NKAIN3: variants seen among roughly 807,000 people sequenced by gnomAD.
The protein encoded by NKAIN3 is sodium/potassium transporting ATPase interacting 3.
Under a neutral mutation model 30.2 loss-of-function variants are expected in NKAIN3, and 25 were observed. The ratio of observed to expected loss-of-function variants is 0.83; its 90% confidence interval spans 0.60 to 1.16. The LOEUF (loss-of-function observed/expected upper bound fraction) is 1.16, where lower values mean the gene tolerates loss of function less well. NKAIN3 is among the 50% of genes most tolerant of loss of function. The pLI, the probability that NKAIN3 is intolerant of heterozygous loss-of-function variation, is 0.00. For synonymous variants in NKAIN3, 91 were observed against 89.6 expected (o/e 1.02, Z -0.09); for missense variants, 225 against 254.1 (o/e 0.89, Z 0.78).
chr8:62,543,806 G>C (rs1332873222), intron 1 of NKAIN3, among the ~76,000 whole-genome samples: 4 of 152,080 alleles, frequency 2.6e-5, no homozygotes, highest in Non-Finnish European at 4.4e-5. Flanking sequence ...TTAGATGTTT[G>C]GTAAAATATA....
chr8:62,412,910 AAAAAAAAAAAAC>A (rs1178707081), intron 1 of NKAIN3, among the ~76,000 whole-genome samples: 197 of 4,554 alleles, frequency 0.043, 2 homozygotes, highest in South Asian at 0.31. Context: ...AGACTCCGTC[AAAAAAAAAAAAC>A]AAAAAAAAAA....
chr8:62,958,242 C>T (rs1823477265), intron 6 of NKAIN3, among the ~76,000 whole-genome samples: 1 of 151,810 alleles, frequency 6.6e-6, no homozygotes. Context: ...CGGTGAGGAC[C>T]CTAAGAGACC....
intron 1 of NKAIN3, among the ~76,000 whole-genome samples, chr8:62,280,825 T>A (rs1813152686): frequency 6.6e-6 from 1 of 152,166 alleles, no homozygotes; most frequent in South Asian, 2.1e-4. Flanking sequence ...GGGATATTGG[T>A]CTAAAATTCT....
chr8:62,652,877 C>T (rs1237968168), intron 3 of NKAIN3, among the ~76,000 whole-genome samples: 2 of 152,232 alleles, frequency 1.3e-5, no homozygotes, highest in Non-Finnish European at 2.9e-5. Context: ...AGTGTTAGAG[C>T]AAAGTCAAAA....
intron 4 of NKAIN3, among the ~76,000 whole-genome samples, chr8:62,807,417 AT>A (rs1818331117): frequency 6.6e-6 from 1 of 151,708 alleles, no homozygotes; most frequent in Non-Finnish European, 1.5e-5. Context: ...TATTTACTAT[AT>A]TTTTCACTCA....
chr8:62,419,059 C>T (rs207469269), intron 1 of NKAIN3, among the ~76,000 whole-genome samples: 1 of 152,110 alleles, frequency 6.6e-6, no homozygotes, highest in Non-Finnish European at 1.5e-5. Flanking sequence ...GCCAGTCTTA[C>T]TTCTATCTTT....
intron 1 of NKAIN3, among the ~76,000 whole-genome samples, chr8:62,493,633 ATTGATTC>A (rs1432680421): frequency 1.3e-5 from 2 of 152,086 alleles, no homozygotes; most frequent in Non-Finnish European, 2.9e-5. Flanking sequence ...TTTTAGTGAT[ATTGATTC>A]TTCCTATCCA....
At chr8:62,592,993 CAT>C (rs1810704702) in intron 3 of NKAIN3, among the ~76,000 whole-genome samples, 1 of 151,890 alleles carries the variant, frequency 6.6e-6, no homozygotes, top group Non-Finnish European at 1.5e-5. Context: ...AATCCATTAA[CAT>C]AGGGGGAGAG....
At chr8:62,770,963 C>T (rs909115760) in intron 4 of NKAIN3, among the ~76,000 whole-genome samples, 12 of 151,630 alleles carry the variant, frequency 7.9e-5, no homozygotes, top group African/African-American at 1.5e-4. Flanking sequence ...CAGTTTTCAA[C>T]GACAACAAAA....
At chr8:62,822,020 G>GA (rs1818864484) in intron 4 of NKAIN3, among the ~76,000 whole-genome samples, 3 of 152,002 alleles carry the variant, frequency 2.0e-5, no homozygotes, top group South Asian at 2.1e-4. Flanking sequence ...ATTAGGGCTG[G>GA]AAAAAAATCC....
At chr8:62,786,025 C>A (rs1053342253) in intron 4 of NKAIN3, among the ~76,000 whole-genome samples, 1 of 152,046 alleles carries the variant, frequency 6.6e-6, no homozygotes, top group African/African-American at 2.4e-5. Context: ...TGCTTTCAGG[C>A]AAGTTGGTTC....
intron 2 of NKAIN3, among the ~76,000 whole-genome samples, chr8:62,581,110 TATAAA>T (rs71559376): frequency 0.22 from 24,627 of 114,144 alleles, 2,840 homozygotes; most frequent in South Asian, 0.33. Flanking sequence ...CTCAAAAAAA[TATAAA>T]ATAAAATAAA....
intron 5 of NKAIN3, among the ~76,000 whole-genome samples, chr8:62,933,029 C>CACA (rs3222063): frequency 1.3e-5 from 2 of 151,294 alleles, no homozygotes; most frequent in Non-Finnish European, 2.9e-5. Context: ...CACACACACA[C>CACA]CAGGGAATGA....
intron 1 of NKAIN3, among the ~76,000 whole-genome samples, chr8:62,323,904 A>T (rs1044766545): frequency 1.3e-5 from 2 of 152,188 alleles, no homozygotes; most frequent in Non-Finnish European, 2.9e-5. Flanking sequence ...TGGAAAAGAC[A>T]AATTAGGGGC....
chr8:62,434,636 G>T lies in NKAIN3; in HGVS notation c.55-144903G>T, dbSNP rs534780006. 1.9e-4 allele frequency among the ~76,000 whole-genome samples: 29 copies of T among 152,098 alleles called. 1 individual carries two copies. The South Asian group carries it at 6.0e-3, about 32-fold the overall frequency. On this transcript the variant is annotated intron_variant, in intron 1 of 6. Coordinates refer to ENST00000623646, the MANE Select transcript of NKAIN3 (RefSeq NM_001304533.3). The stretch of plus-strand genomic sequence containing the variant: ...TTAAACAAATTACATCATGATCAAG[G>T]CATTCCTTCTAATAAAGTCTTCAAA...
chr8:62,637,585 C>T (rs1030808439), intron 3 of NKAIN3, among the ~76,000 whole-genome samples: 5 of 152,128 alleles, frequency 3.3e-5, no homozygotes, highest in Non-Finnish European at 5.9e-5. Context: ...TACTATTAGA[C>T]GAGCCTAAAT....
At chr8:62,897,803 G>T (rs780278171) in intron 4 of NKAIN3, among the ~76,000 whole-genome samples, 57 of 152,134 alleles carry the variant, frequency 3.7e-4, no homozygotes, top group Admixed American at 1.5e-3. Context: ...GTTAGAGTCT[G>T]GTTTCCTTGG....
In NKAIN3 at chr8:62,666,019, G is replaced by T. The variant is rs1267558930; in HGVS notation, c.273+76225G>T. On this transcript the variant is annotated intron_variant, in intron 3 of 6. Coordinates refer to ENST00000623646, the MANE Select transcript of NKAIN3 (RefSeq NM_001304533.3). ...TCATGAGGTCAGGAGTTCAAGATTA[G>T]CCTGGCCAAGATGGTGAAACCCCGT... 2.0e-5 allele frequency among the ~76,000 whole-genome samples: 3 copies of T among 152,212 alleles called. No individual in the cohort carries two copies. The East Asian group carries it at 5.8e-4, about 29-fold the overall frequency.
In NKAIN3 at chr8:62,966,848, A is replaced by G. The variant is rs1823725703; in HGVS notation, c.*1441A>G. ...GAAGTCCGTCTATTAACCACCTAAA[A>G]CTGTTACAAATATTTGTATGTGTGT... On this transcript the variant is annotated 3_prime_UTR_variant, in exon 7 of 7. Coordinates refer to ENST00000623646, the MANE Select transcript of NKAIN3 (RefSeq NM_001304533.3). Among the ~76,000 whole-genome samples the G allele has an allele frequency of 6.6e-6, 1 of 152,000 alleles. No homozygotes were observed. The highest frequency in any genetic ancestry group is 2.4e-5 in the African/African-American group (1 of 41,396).
Sources: allele counts gnomAD v4.1 joint callset (sites outside exome capture counted in the v4.1 genomes callset), GRCh38; gene constraint gnomAD v4.1.1; transcripts MANE v1.5; gene names NCBI Gene and HGNC (gene_info 2026-07-23, HGNC 2026-07-21).